LRRCC1: variants seen among roughly 807,000 people sequenced by gnomAD.
LRRCC1 encodes the protein leucine-rich repeat and coiled-coil domain-containing protein 1.
LRRCC1 carries 115 observed loss-of-function variants against 126.0 expected under a neutral mutation model. The ratio of observed to expected loss-of-function variants is 0.91; its 90% CI spans 0.78 to 1.07. LRRCC1 has a LOEUF of 1.07. Among genes scored for constraint, LRRCC1 ranks in the 50% least tolerant of loss-of-function variants. The pLI, the probability that LRRCC1 is intolerant of heterozygous loss-of-function variation, is 0.00. For missense variants in LRRCC1, 1,172 were observed against 1,175.7 expected, an observed-to-expected ratio of 1.00 and a Z score of 0.05; for synonymous variants, 400 against 393.4, an observed-to-expected ratio of 1.02 and a Z score of -0.20.
At chr8:85,119,768 G>C (rs912117189) in intron 6 of LRRCC1, among the ~76,000 whole-genome samples, 5 of 152,120 alleles carry the variant, frequency 3.3e-5, no homozygotes, top group African/African-American at 1.2e-4. Flanking sequence ...AAAGTGCTGG[G>C]ATTACAGGCA....
intron 18 of LRRCC1, among the ~76,000 whole-genome samples, chr8:85,141,781 A>G (rs552268235): frequency 2.6e-5 from 4 of 152,342 alleles, no homozygotes; most frequent in South Asian, 4.2e-4. Context: ...TAAAAATTTC[A>G]TATCTAACTA....
intron 2 of LRRCC1, 34 bp from the exon 3 acceptor site, chr8:85,110,081 A>T (rs183301907): frequency 1.1e-6 from 1 of 907,420 alleles, no homozygotes; most frequent in African/African-American, 1.7e-5. Flanking sequence ...TAAATTTTAT[A>T]AAGGCTTTAT....
chr8:85,109,883 A>G, intron 2 of LRRCC1, 83 bp downstream of exon 2: 2 of 714,312 alleles, frequency 2.8e-6, no homozygotes, highest in Non-Finnish European at 4.5e-6. Context: ...TGGAATAAAT[A>G]TCAGAAACTC....
chr8:85,138,142 G>A lies in LRRCC1; in HGVS notation c.2601G>A (p.Glu867=), dbSNP rs1811003213. 1.2e-6 allele frequency: 2 copies of A among 1,609,418 alleles called. No individual in the cohort carries two copies. The highest frequency in any genetic ancestry group is 1.7e-6 in the Non-Finnish European group (2 of 1,177,162). ...ATGAAAAATCTTCACAACTGGATGAGGTACTTGAGAAGTTGGAAAGGCACA... is the reference window on the plus strand; with the variant it reads ...ATGAAAAATCTTCACAACTGGATGAAGTACTTGAGAAGTTGGAAAGGCACA... ...QLDEKSSQLD[E]VLEKLERHNE... The change falls in exon 16 of 19, where the codon GAG becomes GAA. Residue 867 remains glutamate, a synonymous_variant. Coordinates refer to ENST00000360375, the MANE Select transcript of LRRCC1 (RefSeq NM_033402.5).
chr8:85,122,486 ACT>A (rs1809632901), intron 6 of LRRCC1, among the ~76,000 whole-genome samples: 1 of 151,800 alleles, frequency 6.6e-6, no homozygotes, highest in Non-Finnish European at 1.5e-5. Context: ...AGCTTCATGT[ACT>A]CTTTCTTTAT....
At chr8:85,129,730 A>G (rs972080426) in intron 10 of LRRCC1, among the ~76,000 whole-genome samples, 189 bp from the exon 11 acceptor site, 1 of 152,214 alleles carries the variant, frequency 6.6e-6, no homozygotes, top group African/African-American at 2.4e-5. Flanking sequence ...AATAAGCAAT[A>G]GTTAATGCTA....
intron 12 of LRRCC1, among the ~76,000 whole-genome samples, chr8:85,132,871 T>C (rs1303072103): frequency 6.6e-6 from 1 of 152,222 alleles, no homozygotes; most frequent in Non-Finnish European, 1.5e-5. Context: ...CTTAAAGATA[T>C]GGCTTCAGTA....
chr8:85,137,417 C>G, intron 14 of LRRCC1, 47 bp from the exon 15 acceptor site: 1 of 1,291,636 alleles, frequency 7.7e-7, no homozygotes, highest in Non-Finnish European at 1.1e-6. Flanking sequence ...AAGATACAAA[C>G]CCCCAAGGTG....
At chr8:85,136,969 C>T (rs1382793611) in intron 14 of LRRCC1, among the ~76,000 whole-genome samples, 2 of 152,008 alleles carry the variant, frequency 1.3e-5, no homozygotes, top group Admixed American at 6.6e-5. Context: ...GGATTACAGG[C>T]ATGAGCCACT....
In LRRCC1 at chr8:85,124,793, T is replaced by G. The variant is rs753486720; in HGVS notation, c.1126T>G (p.Cys376Gly). 1.9e-6 allele frequency: 3 copies of G among 1,541,314 alleles called. No individual in the cohort carries two copies. The African/African-American group carries it at 4.2e-5, about 21-fold the overall frequency. The part of the protein sequence containing the change: ...HNKNYNSFVS[C>G]NRKMKPPYLK... ...TTTTCTATGTTTCATTCTTTACAGT[T>G]GTAATCGTAAAATGAAACCACCTTA... Residue 376 changes from cysteine to glycine, a missense_variant and splice_region_variant, in exon 8 of 19, where the codon TGT (cysteine) becomes GGT (glycine). Cys to Gly is a radical substitution (Grantham distance 159). Transcript: ENST00000360375.
intron 1 of LRRCC1, chr8:85,109,283 C>G (rs1039389820): frequency 2.1e-5 from 6 of 287,046 alleles, no homozygotes; most frequent in African/African-American, 1.3e-4. Context: ...CATTCCAAAG[C>G]CTTTACAGTT....
chr8:85,134,159 A>T (rs575630446), intron 12 of LRRCC1, among the ~76,000 whole-genome samples: 1 of 152,102 alleles, frequency 6.6e-6, no homozygotes, highest in Non-Finnish European at 1.5e-5. Context: ...TTGAACCCAC[A>T]TCTCCCAACA....
chr8:85,141,237 C>T (rs995748959), intron 17 of LRRCC1, 145 bp from the exon 18 acceptor site: 27 of 538,260 alleles, frequency 5.0e-5, no homozygotes, highest in African/African-American at 7.7e-5. Context: ...CTTTAGTTAC[C>T]CTATAATAGC....
chr8:85,111,103 T>C (rs1808680446), intron 3 of LRRCC1, among the ~76,000 whole-genome samples: 1 of 152,098 alleles, frequency 6.6e-6, no homozygotes, highest in South Asian at 2.1e-4. Context: ...TTTTGCCGGG[T>C]GTGGTGTCTC....
At chr8:85,126,113 G>T (rs920054221) in intron 8 of LRRCC1, among the ~76,000 whole-genome samples, 6 of 152,128 alleles carry the variant, frequency 3.9e-5, no homozygotes, top group Admixed American at 2.0e-4. Context: ...TTAATACAGA[G>T]TCTGGCATGT....
intron 17 of LRRCC1, among the ~76,000 whole-genome samples, 190 bp downstream of exon 17, chr8:85,138,665 G>A (rs1811042692): frequency 6.6e-6 from 1 of 152,174 alleles, no homozygotes; most frequent in Admixed American, 6.5e-5. Flanking sequence ...ATAAGAGGTT[G>A]ACATTTGATA....
At chr8:85,116,265 C>T (rs1300997763) in intron 6 of LRRCC1, among the ~76,000 whole-genome samples, 3 of 152,146 alleles carry the variant, frequency 2.0e-5, no homozygotes, top group East Asian at 3.8e-4. Flanking sequence ...TAGATTATTA[C>T]TTTATTTGCC....
intron 6 of LRRCC1, 51 bp from the exon 7 acceptor site, chr8:85,123,362 T>C: frequency 8.3e-7 from 1 of 1,200,078 alleles, no homozygotes; most frequent in Non-Finnish European, 1.2e-6. Flanking sequence ...CCAATTTCAA[T>C]CTTTTTTATA....
At chr8:85,135,726 G>GA in intron 13 of LRRCC1, 63 bp from the exon 14 acceptor site, 1 of 1,061,534 alleles carries the variant, frequency 9.4e-7, no homozygotes, top group African/African-American at 1.7e-5. Flanking sequence ...TTATAAGATG[G>GA]AAAAAATAGA....
Sources: gnomAD v4.1 joint callset for allele counts (sites outside exome capture counted in the v4.1 genomes callset) on GRCh38, gnomAD v4.1.1 for gene constraint, MANE v1.5 for transcripts, NCBI Gene and HGNC (gene_info 2026-07-23, HGNC 2026-07-21) for gene names.